The following PSD2 variants were observed in gnomAD, a reference collection of about 807,000 sequenced individuals.
PSD2 encodes the protein PH and SEC7 domain-containing protein 2.
PSD2 carries 38 observed loss-of-function variants against 69.8 expected under a neutral mutation model. The observed-to-expected ratio is 0.54, with a 90% CI of 0.42 to 0.71. The LOEUF (loss-of-function observed/expected upper bound fraction) is 0.71. PSD2 is among the 30% of genes least tolerant of loss of function. The pLI is 0.00. For synonymous variants in PSD2, 412 were observed against 423.0 expected, an observed-to-expected ratio of 0.97 and a Z score of 0.32; for missense variants, 943 against 1,014.5, an observed-to-expected ratio of 0.93 and a Z score of 0.96.
upstream of PSD2, among the ~76,000 whole-genome samples, chr5:139,791,425 G>GA (rs1330043199): frequency 6.6e-6 from 1 of 151,522 alleles, no homozygotes; most frequent in Non-Finnish European, 1.5e-5. Flanking sequence ...GTCTCTAAAA[G>GA]AAAAACAAAA....
chr5:139,836,946 C>G lies in PSD2; in HGVS notation c.1539C>G (p.Thr513=). ...TCCCACAGGCGCTCAGTGCCACCAC[C>G]TACAAGCACGGCGTCCTGACCCGGA... is the stretch of plus-strand genomic sequence containing the variant. ...LDVPQALSAT[T]YKHGVLTRKT... is the part of the protein sequence containing the mutation. Residue 513 remains threonine (T), a synonymous_variant, in exon 10 of 15, where the codon ACC becomes ACG. Transcript: ENST00000274710. 6.2e-7 allele frequency: 1 copy of G among 1,614,136 alleles called. No homozygotes were observed. Among genetic ancestry groups the G allele is most frequent in the Non-Finnish European group, 8.5e-7 (1 of 1,180,018 alleles).
chr5:139,759,457 G>A, the PSD2 span, among the ~76,000 whole-genome samples: 133,015 of 152,148 alleles, frequency 0.87, 58,367 homozygotes, highest in South Asian at 0.93. Context: ...GTCTGCAGCC[G>A]GGAGGGGCCT....
the PSD2 span, chr5:139,743,930 T>C: frequency 6.6e-6 from 1 of 152,316 alleles, no homozygotes; most frequent in African/African-American, 2.4e-5. Flanking sequence ...TGGAGCCTGA[T>C]GTCTGGTCCA....
the PSD2 span, among the ~76,000 whole-genome samples, chr5:139,761,786 G>A: frequency 4.1e-3 from 622 of 152,242 alleles, 2 homozygotes; most frequent in Non-Finnish European, 4.6e-3. Context: ...AGGACCAGTG[G>A]GGACACTGTT....
chr5:139,753,528 G>A, the PSD2 span, among the ~76,000 whole-genome samples: 2 of 152,164 alleles, frequency 1.3e-5, no homozygotes, highest in Admixed American at 6.5e-5. Context: ...TGGGAGGGGT[G>A]TATGCATCCT....
Position 139,840,117 on chromosome 5 carries a change from A to G in PSD2, c.2059A>G (p.Lys687Glu), listed in dbSNP as rs1304668488. 14 of 1,614,182 alleles carry G rather than the reference A, an allele frequency of 8.7e-6. No individual in the cohort carries two copies. The South Asian group carries it at 1.5e-4, about 18-fold the overall frequency. The change falls in exon 14 of 15, where the codon AAG becomes GAG. Residue 687 changes from lysine to glutamate, a missense_variant. By Grantham distance (56) the Lys-to-Glu change is moderately conservative (BLOSUM62 1). Transcript: ENST00000274710. Reference sequence around the variant, plus strand: ...GTGTCACCCAGTCGAGAGGGGCATCAAGTCCAAGGAGGCCGAGGAGTACCG... The same window carrying G: ...GTGTCACCCAGTCGAGAGGGGCATCGAGTCCAAGGAGGCCGAGGAGTACCG... ...HRCHPVERGIKSKEAEEYRLK... is the reference protein window; with the variant it reads ...HRCHPVERGIESKEAEEYRLK...
chr5:139,748,566 C>T, the PSD2 span, among the ~76,000 whole-genome samples: 1 of 152,272 alleles, frequency 6.6e-6, no homozygotes, highest in Admixed American at 6.5e-5. Flanking sequence ...AACTCCCCTC[C>T]CCCGGGCGAA....
intron 7 of PSD2, among the ~76,000 whole-genome samples, chr5:139,827,423 C>T (rs1334580090): frequency 6.6e-6 from 1 of 152,162 alleles, no homozygotes; most frequent in Admixed American, 6.5e-5. Context: ...TATAGGAAAT[C>T]AGTTGGGTTT....
the PSD2 span, among the ~76,000 whole-genome samples, chr5:139,748,135 G>C: frequency 1.3e-5 from 2 of 152,092 alleles, no homozygotes; most frequent in Non-Finnish European, 2.9e-5. Flanking sequence ...CGGGGCCCCA[G>C]CACTGACCCA....
the PSD2 span, among the ~76,000 whole-genome samples, chr5:139,761,308 G>T: frequency 6.6e-6 from 1 of 152,184 alleles, no homozygotes; most frequent in Non-Finnish European, 1.5e-5. Flanking sequence ...GTGAGCACAA[G>T]GTTGGGATTT....
chr5:139,768,399 C>G, the PSD2 span, among the ~76,000 whole-genome samples: 5 of 152,310 alleles, frequency 3.3e-5, no homozygotes, highest in African/African-American at 1.2e-4. Flanking sequence ...TCACTGCCCT[C>G]TGTTTCCTCA....
chr5:139,829,086 T>C (rs1320804373), intron 7 of PSD2, among the ~76,000 whole-genome samples: 1 of 152,218 alleles, frequency 6.6e-6, no homozygotes, highest in Non-Finnish European at 1.5e-5. Flanking sequence ...GGCTTTGGGA[T>C]GATCTGGGTG....
chr5:139,796,320 C>G (rs1012365482), intron 1 of PSD2, among the ~76,000 whole-genome samples: 13 of 152,182 alleles, frequency 8.5e-5, no homozygotes, highest in Non-Finnish European at 1.8e-4. Flanking sequence ...ACCCTCTCCC[C>G]GCTTTTGTAT....
In PSD2 at chr5:139,835,647, C is replaced by T. The variant is rs927362315; in HGVS notation, c.1360-76C>T. 4.2e-6 allele frequency: 6 copies of T among 1,433,698 alleles called. No individual in the cohort carries two copies. The African/African-American group carries it at 8.4e-5, about 20-fold the overall frequency. 88.8% of individuals were successfully genotyped at this position (1,433,698 alleles called of 1,614,324 possible). On this transcript the variant is annotated intron_variant, in intron 8 of 14. Transcript: ENST00000274710. ...CTGAAAAGGTGCTCCCTCACTGTAC[C>T]CATGTTATTGGTGGTAGATGAGGGT...
chr5:139,812,740 G>A (rs148207086), intron 2 of PSD2, among the ~76,000 whole-genome samples: 104 of 152,354 alleles, frequency 6.8e-4, no homozygotes, highest in African/African-American at 2.4e-3. Flanking sequence ...AACCTCCCAG[G>A]TTGTGGGAAG....
the PSD2 span, among the ~76,000 whole-genome samples, chr5:139,746,913 C>T: frequency 1.3e-5 from 2 of 152,150 alleles, no homozygotes; most frequent in East Asian, 3.9e-4. This position sits in a 1 kb window ranked among gnomAD's most constrained non-coding sequence, Gnocchi z 4.5. Flanking sequence ...AGGGTCGCAC[C>T]CTGCTCCCAA....
intron 7 of PSD2, among the ~76,000 whole-genome samples, chr5:139,830,532 T>TCCTTCCTC (rs1760550131): frequency 8.3e-6 from 1 of 120,254 alleles, no homozygotes; most frequent in Non-Finnish European, 1.6e-5. Flanking sequence ...CTTCCTTCCT[T>TCCTTCCTC]CCTTCCTTCC....
At chr5:139,835,130 A>G (rs960021882) in intron 8 of PSD2, among the ~76,000 whole-genome samples, 4 of 150,272 alleles carry the variant, frequency 2.7e-5, no homozygotes, top group Admixed American at 2.7e-4. Context: ...TTACCCGCCA[A>G]CCCACCCACC....
chr5:139,805,008 T>C (rs948689240), intron 1 of PSD2, among the ~76,000 whole-genome samples: 6 of 151,242 alleles, frequency 4.0e-5, no homozygotes, highest in African/African-American at 1.5e-4. Context: ...TCTGTGTGTG[T>C]GTGAGTGTGT....
Sources: allele counts gnomAD v4.1 joint callset (sites outside exome capture counted in the v4.1 genomes callset), GRCh38; gene constraint gnomAD v4.1.1; non-coding constraint Gnocchi (gnomAD v3.1); transcripts MANE v1.5; gene names NCBI Gene and HGNC (gene_info 2026-07-23, HGNC 2026-07-21).